The following NRG1 variants were observed in gnomAD, a reference collection of about 807,000 sequenced individuals.
NRG1 encodes pro-neuregulin-1, membrane-bound isoform.
A neutral mutation model predicts 63.8 loss-of-function variants in NRG1; 18 were observed. The ratio of observed to expected loss-of-function variants is 0.28; its 90% confidence interval spans 0.19 to 0.42. NRG1 has a LOEUF of 0.42. Among genes scored for constraint, NRG1 ranks in the 10% least tolerant of loss-of-function variants. The pLI is 1.00. For synonymous variants in NRG1, 302 were observed against 301.3 expected (o/e 1.00, Z -0.02); for missense variants, 762 against 814.7 (o/e 0.94, Z 0.79).
At chr8:32,642,195 G>A (rs1852546824) in intron 5 of NRG1, among the ~76,000 whole-genome samples, 1 of 152,194 alleles carries the variant, frequency 6.6e-6, no homozygotes, top group East Asian at 1.9e-4. Flanking sequence ...AATAAAGCCT[G>A]CTGATTTATT....
At chr8:32,057,724 T>G (rs759305200) in intron 1 of NRG1, among the ~76,000 whole-genome samples, 4 of 152,174 alleles carry the variant, frequency 2.6e-5, no homozygotes, top group Admixed American at 6.6e-5. Flanking sequence ...AAGTATAAGC[T>G]AAGTACTTAT....
At chr8:32,170,441 G>A (rs531421521) in intron 1 of NRG1, among the ~76,000 whole-genome samples, 1 of 152,176 alleles carries the variant, frequency 6.6e-6, no homozygotes, top group African/African-American at 2.4e-5. Flanking sequence ...GTGAAATGCA[G>A]CAGCGAAGAC....
chr8:32,421,093 C>G (rs993734167), intron 1 of NRG1, among the ~76,000 whole-genome samples: 1 of 152,214 alleles, frequency 6.6e-6, no homozygotes, highest in Admixed American at 6.5e-5. Context: ...TATAAATTAC[C>G]CAGTCTCAGG....
At chr8:31,948,002 C>CTTTAA (rs1802891163) in intron 1 of NRG1, among the ~76,000 whole-genome samples, 1 of 142,802 alleles carries the variant, frequency 7.0e-6, no homozygotes, top group Non-Finnish European at 1.5e-5. Context: ...GTTTTGAATG[C>CTTTAA]TTTAATTCTT....
At chr8:32,583,743 C>G (rs1048109635) in intron 1 of NRG1, among the ~76,000 whole-genome samples, 2 of 152,210 alleles carry the variant, frequency 1.3e-5, no homozygotes, top group Non-Finnish European at 2.9e-5. Flanking sequence ...TAGACTACCA[C>G]TATTTAGCCT....
At chr8:32,515,179 G>T (rs1488547876) in intron 1 of NRG1, among the ~76,000 whole-genome samples, 1 of 152,026 alleles carries the variant, frequency 6.6e-6, no homozygotes, top group Non-Finnish European at 1.5e-5. Context: ...TAAGTTCTTT[G>T]AGAAATTTCC....
intron 1 of NRG1, among the ~76,000 whole-genome samples, chr8:32,110,028 T>C (rs143267656): frequency 2.2e-4 from 33 of 152,214 alleles, no homozygotes; most frequent in Non-Finnish European, 4.1e-4. Context: ...CAGAGAGCTA[T>C]TGTAAGGATT....
At chr8:32,772,097 A>C (rs1459474987), downstream of NRG1, among the ~76,000 whole-genome samples, 13 of 143,236 alleles carry the variant, frequency 9.1e-5, no homozygotes, top group African/African-American at 1.3e-4. Flanking sequence ...ATAAAATCCC[A>C]CCAAAAGTCT....
At chr8:31,714,757 CTCTT>C (rs1191122948) in intron 1 of NRG1, among the ~76,000 whole-genome samples, 1 of 152,100 alleles carries the variant, frequency 6.6e-6, no homozygotes, top group Non-Finnish European at 1.5e-5. Flanking sequence ...AAGGCTTGAG[CTCTT>C]TCTTATAAGT....
At position 32,095,146 on chromosome 8, in the gene NRG1, G is replaced by A. The variant is rs532873357; in HGVS notation, c.37+455715G>A. Among the ~76,000 whole-genome samples the A allele has an allele frequency of 5.4e-4, 82 of 152,046 alleles. 1 individual carries two copies. The highest frequency in any genetic ancestry group is 1.7e-3 in the African/African-American group (71 of 41,390). On this transcript the variant is annotated intron_variant, in intron 1 of 10. Coordinates refer to the NRG1 transcript ENST00000519301. The stretch of plus-strand genomic sequence containing the variant: ...AGGATGGTCTTAATCTCCTGACCTC[G>A]TGATCCACCTGCCTCCGCCTCCCAA...
intron 5 of NRG1, among the ~76,000 whole-genome samples, chr8:32,631,062 C>T (rs1850205316): frequency 6.6e-6 from 1 of 152,088 alleles, no homozygotes; most frequent in Non-Finnish European, 1.5e-5. Flanking sequence ...ACCATACAAA[C>T]ACACAATTAA....
chr8:31,718,370 C>T (rs1336155119), intron 1 of NRG1, among the ~76,000 whole-genome samples: 2 of 152,136 alleles, frequency 1.3e-5, no homozygotes, highest in Non-Finnish European at 2.9e-5. Flanking sequence ...TCGTATCAGG[C>T]ATGCTTCTTA....
At chr8:32,523,154 T>C (rs1164603309) in intron 1 of NRG1, among the ~76,000 whole-genome samples, 5 of 152,166 alleles carry the variant, frequency 3.3e-5, no homozygotes, top group African/African-American at 9.6e-5. Flanking sequence ...GCTCAATGCC[T>C]GGGTCAAGGA....
intron 1 of NRG1, among the ~76,000 whole-genome samples, chr8:32,011,866 CT>C (rs1814817142): frequency 6.6e-6 from 1 of 152,052 alleles, no homozygotes; most frequent in Non-Finnish European, 1.5e-5. Context: ...TTTGTGCTTA[CT>C]TTTAAGTGAG....
chr8:32,288,746 G>T lies in NRG1; in HGVS notation c.38-307082G>T, dbSNP rs191554081. Among the ~76,000 whole-genome samples, 40 of 152,260 alleles carry T rather than the reference G, an allele frequency of 2.6e-4. No individual in the cohort carries two copies. The East Asian group carries it at 6.6e-3, about 25-fold the overall frequency. ...TGCATCGTCAGCGTGAGGAAGGGGA[G>T]GGGGAGGTAAGATTCTGGACAGCTG... On this transcript the variant is annotated intron_variant, in intron 1 of 10. Coordinates refer to the NRG1 transcript ENST00000519301.
intron 1 of NRG1, among the ~76,000 whole-genome samples, chr8:31,973,831 T>G (rs1371224934): frequency 6.6e-6 from 1 of 152,182 alleles, no homozygotes. Context: ...CAGTGAAGAC[T>G]CATTAAGATG....
chr8:32,608,745 T>G (rs891218829), intron 3 of NRG1, among the ~76,000 whole-genome samples: 2 of 152,044 alleles, frequency 1.3e-5, no homozygotes, highest in Admixed American at 1.3e-4. Flanking sequence ...ATGCTTCTGA[T>G]AGTTTTAACA....
At chr8:32,228,331 ACTT>A (rs957420038) in intron 1 of NRG1, among the ~76,000 whole-genome samples, 1 of 152,336 alleles carries the variant, frequency 6.6e-6, no homozygotes, top group Non-Finnish European at 1.5e-5. Context: ...AGTAACAACA[ACTT>A]CAACTTAAAA....
At chr8:31,659,414 G>A (rs763646420) in intron 1 of NRG1, among the ~76,000 whole-genome samples, 1 of 152,182 alleles carries the variant, frequency 6.6e-6, no homozygotes, top group Non-Finnish European at 1.5e-5. Flanking sequence ...GAGCATCTGG[G>A]AACCATGCAA....
Sources: allele counts gnomAD v4.1 joint callset (sites outside exome capture counted in the v4.1 genomes callset), GRCh38; gene constraint gnomAD v4.1.1; transcripts MANE v1.5; gene names NCBI Gene and HGNC (gene_info 2026-07-23, HGNC 2026-07-21).